ROBO1: variants seen among roughly 807,000 people sequenced by gnomAD.
ROBO1 encodes roundabout guidance receptor 1.
Under a neutral mutation model 195.9 loss-of-function variants are expected in ROBO1, and 149 were observed. The observed-to-expected ratio is 0.76, with a 90% CI of 0.67 to 0.87. ROBO1 has a LOEUF of 0.87. Ranked by LOEUF, ROBO1 falls within the 40% of genes least tolerant of loss-of-function variation. The pLI is 0.00. For missense variants in ROBO1, 1,933 were observed against 2,068.3 expected (o/e 0.93, Z 1.27); for synonymous variants, 816 against 733.2 (o/e 1.11, Z -1.82).
intron 17 of ROBO1, among the ~76,000 whole-genome samples, chr3:78,658,679 G>T (rs1376019351): frequency 2.0e-5 from 3 of 152,176 alleles, no homozygotes; most frequent in Admixed American, 1.3e-4. Flanking sequence ...AGATTTAAAA[G>T]AAATCTAAGC....
chr3:78,636,199 A>G, intron 22 of ROBO1, 91 bp from the exon 23 acceptor site: 1 of 926,016 alleles, frequency 1.1e-6, no homozygotes, highest in Non-Finnish European at 1.6e-6. Context: ...GTCATCAGAA[A>G]ATCGTTATGT....
At chr3:78,943,239 G>A (rs773582844) in intron 3 of ROBO1, among the ~76,000 whole-genome samples, 2 of 151,996 alleles carry the variant, frequency 1.3e-5, no homozygotes, top group Non-Finnish European at 2.9e-5. Flanking sequence ...AAAGGTTTTT[G>A]TTTTGTTTTG....
chr3:79,629,466 C>G (rs1945273805), intron 1 of ROBO1, among the ~76,000 whole-genome samples: 1 of 151,796 alleles, frequency 6.6e-6, no homozygotes, highest in Non-Finnish European at 1.5e-5. Context: ...ATATAACATA[C>G]CGAAACCTCG....
chr3:79,143,340 A>T (rs1050606015), intron 2 of ROBO1, among the ~76,000 whole-genome samples: 5 of 152,058 alleles, frequency 3.3e-5, no homozygotes, highest in Non-Finnish European at 7.4e-5. Flanking sequence ...CTAGGTAAAA[A>T]ATTCTCTCTA....
At chr3:79,149,801 C>T (rs1357980746) in intron 2 of ROBO1, among the ~76,000 whole-genome samples, 2 of 151,692 alleles carry the variant, frequency 1.3e-5, no homozygotes, top group African/African-American at 4.8e-5. Flanking sequence ...ATGTCCATCG[C>T]CCAAGTTCAG....
At chr3:79,027,318 C>T (rs565178883) in intron 3 of ROBO1, among the ~76,000 whole-genome samples, 11 of 152,098 alleles carry the variant, frequency 7.2e-5, no homozygotes, top group African/African-American at 2.6e-4. Context: ...AAAGACTATC[C>T]AAGCTTATTA....
At chr3:78,757,637 C>G (rs1483089898) in intron 4 of ROBO1, among the ~76,000 whole-genome samples, 4 of 152,106 alleles carry the variant, frequency 2.6e-5, no homozygotes, top group Non-Finnish European at 5.9e-5. Flanking sequence ...TTGGGAAGAA[C>G]TAGAGAAAAT....
intron 2 of ROBO1, among the ~76,000 whole-genome samples, chr3:79,362,101 T>C (rs2035793346): frequency 6.6e-6 from 1 of 152,100 alleles, no homozygotes; most frequent in Non-Finnish European, 1.5e-5. Flanking sequence ...GGCAAGCCTA[T>C]GATAATTACA....
At chr3:79,192,070 T>C (rs2081550688) in intron 2 of ROBO1, among the ~76,000 whole-genome samples, 1 of 151,626 alleles carries the variant, frequency 6.6e-6, no homozygotes, top group Non-Finnish European at 1.5e-5. Flanking sequence ...TATTTTTAGG[T>C]TAATAGATTG....
rs375934041 is a variant in ROBO1, at chr3:79,384,782, A to T, written c.88+205042T>A. On this transcript the variant is annotated intron_variant, in intron 2 of 30. Coordinates refer to ENST00000464233, the MANE Select transcript of ROBO1 (RefSeq NM_002941.4). ...CACGTTTTTAAAAGTATCTCTGATA[A>T]TATTCATAATTACATGGGGGTAAAC... 1.8e-4 allele frequency among the ~76,000 whole-genome samples: 28 copies of T among 152,200 alleles called. No individual in the cohort carries two copies. In the South Asian group the frequency reaches 5.8e-3, roughly 31 times the overall value.
At chr3:79,750,472 T>A (rs1704086709) in intron 1 of ROBO1, among the ~76,000 whole-genome samples, 1 of 152,158 alleles carries the variant, frequency 6.6e-6, no homozygotes, top group Non-Finnish European at 1.5e-5. Context: ...CAGGGCAGAA[T>A]TATATGAGTT....
At chr3:79,358,170 T>C (rs1023407495) in intron 2 of ROBO1, among the ~76,000 whole-genome samples, 1 of 152,052 alleles carries the variant, frequency 6.6e-6, no homozygotes, top group African/African-American at 2.4e-5. Context: ...TAAAATGAAA[T>C]TGTGAAAAAA....
intron 2 of ROBO1, among the ~76,000 whole-genome samples, chr3:79,386,446 A>G (rs912432373): frequency 2.0e-4 from 31 of 152,286 alleles, no homozygotes; most frequent in African/African-American, 6.5e-4. Flanking sequence ...AGTTTTTACC[A>G]TCAACGTATA....
intron 1 of ROBO1, among the ~76,000 whole-genome samples, chr3:79,712,391 C>G: frequency 6.6e-6 from 1 of 151,966 alleles, no homozygotes; most frequent in East Asian, 1.9e-4. Flanking sequence ...GAAGATGAAA[C>G]AAGCCACAAC....
intron 2 of ROBO1, among the ~76,000 whole-genome samples, chr3:79,402,275 C>T (rs1345244805): frequency 1.3e-5 from 2 of 151,846 alleles, no homozygotes; most frequent in Non-Finnish European, 1.5e-5. Flanking sequence ...TTTTATCAAC[C>T]TGCCTGTTGG....
At chr3:79,154,119 G>C (rs1311464037) in intron 2 of ROBO1, among the ~76,000 whole-genome samples, 1 of 151,738 alleles carries the variant, frequency 6.6e-6, no homozygotes, top group Non-Finnish European at 1.5e-5. Flanking sequence ...CACTGTAATT[G>C]TCTTGTAATC....
chr3:79,468,683 C>T (rs1249819463), intron 2 of ROBO1, among the ~76,000 whole-genome samples: 1 of 151,938 alleles, frequency 6.6e-6, no homozygotes, highest in Non-Finnish European at 1.5e-5. Context: ...ATGAAGCAAT[C>T]AGAAAATGTG....
At chr3:79,484,534 G>A (rs1044586465) in intron 2 of ROBO1, among the ~76,000 whole-genome samples, 4 of 151,662 alleles carry the variant, frequency 2.6e-5, no homozygotes, top group African/African-American at 7.3e-5. Flanking sequence ...GTGATAAAAC[G>A]ATTGAAATAT....
chr3:79,103,619 TATG>T (rs1332357656), intron 3 of ROBO1, among the ~76,000 whole-genome samples: 5 of 151,798 alleles, frequency 3.3e-5, no homozygotes, highest in Non-Finnish European at 7.4e-5. Context: ...ACTACACCTT[TATG>T]ATTTCTCCTA....
Sources: allele counts gnomAD v4.1 joint callset (sites outside exome capture counted in the v4.1 genomes callset), GRCh38; gene constraint gnomAD v4.1.1; transcripts MANE v1.5; gene names NCBI Gene and HGNC (gene_info 2026-07-23, HGNC 2026-07-21).